Variants in AAMDC observed in about 807,000 individuals in gnomAD.
AAMDC encodes the protein mth938 domain-containing protein.
In AAMDC, 16 loss-of-function variants were observed where a neutral mutation model predicts 15.5. The observed-to-expected ratio is 1.03, with a 90% CI of 0.70 to 1.57. AAMDC has a LOEUF of 1.57. Ranked by LOEUF, AAMDC falls within the 40% of genes most tolerant of loss-of-function variation. The probability of loss-of-function intolerance (pLI) is 0.00; values close to 1 mark genes in which losing one functional copy is unlikely to be tolerated. For missense variants in AAMDC, 141 were observed against 144.9 expected, an observed-to-expected ratio of 0.97 and a Z score of 0.14; for synonymous variants, 51 against 51.6, an observed-to-expected ratio of 0.99 and a Z score of 0.05.
At chr11:77,866,214 T>C (rs1951101685) in intron 2 of AAMDC, among the ~76,000 whole-genome samples, 1 of 152,192 alleles carries the variant, frequency 6.6e-6, no homozygotes, top group African/African-American at 2.4e-5. Flanking sequence ...TGCCATCTTG[T>C]TGTTTAGCTG....
At chr11:77,897,674 T>A (rs1272588048) in intron 5 of AAMDC, among the ~76,000 whole-genome samples, 2 of 151,076 alleles carry the variant, frequency 1.3e-5, no homozygotes, top group Non-Finnish European at 2.9e-5. Context: ...CTAATTTTTT[T>A]TTTTTTATTT....
intron 5 of AAMDC, among the ~76,000 whole-genome samples, chr11:77,888,569 G>C (rs952646508): frequency 6.6e-6 from 1 of 152,116 alleles, no homozygotes; most frequent in Admixed American, 6.6e-5. Context: ...CCAAAATTGA[G>C]AAATGGGATC....
At chr11:77,896,854 C>T (rs1952546711) in intron 5 of AAMDC, among the ~76,000 whole-genome samples, 2 of 148,984 alleles carry the variant, frequency 1.3e-5, no homozygotes, top group African/African-American at 4.9e-5. Context: ...CTTCAAACTC[C>T]CACCGAAGAT....
In AAMDC at chr11:77,883,409, T is replaced by A. The variant is rs192437652; in HGVS notation, c.328+6360T>A. ...GTTGGCAAATGAAAAAAAATATTTT[T>A]AAAAATCCTCACAACTAATTTGTAG... On this transcript the variant is annotated intron_variant, in intron 5 of 5. Coordinates refer to the AAMDC transcript ENST00000304716. Among the ~76,000 whole-genome samples the A allele has an allele frequency of 1.6e-3, 246 of 152,316 alleles. 2 individuals carry two copies. Among genetic ancestry groups the A allele is most frequent in the African/African-American group, 5.7e-3 (235 of 41,570 alleles).
chr11:77,900,912 G>T, downstream of AAMDC: 1 of 413,426 alleles, frequency 2.4e-6, no homozygotes, highest in Non-Finnish European at 4.3e-6. Context: ...TGAGGTAGAT[G>T]CTGTCTTCAT....
At chr11:77,861,662 A>G (rs146072380) in intron 2 of AAMDC, among the ~76,000 whole-genome samples, 85 of 152,298 alleles carry the variant, frequency 5.6e-4, no homozygotes, top group African/African-American at 2.0e-3. Flanking sequence ...TATGTGGACA[A>G]TCTTTTTTAA....
At chr11:77,837,169 T>A (rs1949719239) in intron 1 of AAMDC, among the ~76,000 whole-genome samples, 1 of 152,172 alleles carries the variant, frequency 6.6e-6, no homozygotes, top group Non-Finnish European at 1.5e-5. Context: ...GTAGTCTCGC[T>A]CTGTCACCCA....
downstream of AAMDC, chr11:77,872,486 G>A: frequency 3.1e-6 from 2 of 652,748 alleles, no homozygotes; most frequent in Non-Finnish European, 4.7e-6. Flanking sequence ...CCTTGAGGGT[G>A]CTAAAAGAAA....
At chr11:77,849,489 G>T (rs1392695572) in intron 2 of AAMDC, among the ~76,000 whole-genome samples, 1 of 152,164 alleles carries the variant, frequency 6.6e-6, no homozygotes, top group Non-Finnish European at 1.5e-5. Flanking sequence ...CTCTCAAAGT[G>T]CTGGGATTAT....
intron 1 of AAMDC, among the ~76,000 whole-genome samples, chr11:77,841,717 T>C (rs1949940709): frequency 6.6e-6 from 1 of 152,192 alleles, no homozygotes. Flanking sequence ...TTGGGATATG[T>C]AGAGAGCTTA....
Position 77,872,234 on chromosome 11 carries a change from G to C in AAMDC, c.288G>C (p.Gln96His). The change falls in exon 4 of 4, where the codon CAG (glutamine) becomes CAC (histidine). Residue 96 changes from glutamine to histidine, a missense_variant. Coordinates refer to ENST00000393427, the MANE Select transcript of AAMDC (RefSeq NM_024684.4). ...KKHGIDVRVL[Q>H]TEQAVKEYNA... Reference sequence around the variant, plus strand: ...ATGGCATTGATGTGCGGGTCCTCCAGACAGAGCAGGCAGTGAAGGAGTATA... The same window carrying C: ...ATGGCATTGATGTGCGGGTCCTCCACACAGAGCAGGCAGTGAAGGAGTATA... 1.2e-6 allele frequency: 2 copies of C among 1,613,940 alleles called. No individual in the cohort carries two copies. The highest frequency in any genetic ancestry group is 1.7e-6 in the Non-Finnish European group (2 of 1,179,936).
intron 5 of AAMDC, among the ~76,000 whole-genome samples, chr11:77,892,511 C>G (rs1437444806): frequency 6.6e-6 from 1 of 152,216 alleles, no homozygotes. Flanking sequence ...TGTGCAAAAA[C>G]AGACTCTCTA....
intron 5 of AAMDC, among the ~76,000 whole-genome samples, chr11:77,878,378 T>A (rs1049632080): frequency 5.3e-5 from 8 of 151,048 alleles, no homozygotes; most frequent in Non-Finnish European, 7.4e-5. Flanking sequence ...AAAAAAAAAA[T>A]TTCCTCAAAG....
intron 5 of AAMDC, among the ~76,000 whole-genome samples, chr11:77,883,659 AAT>A (rs1033226854): frequency 6.6e-6 from 1 of 152,158 alleles, no homozygotes; most frequent in African/African-American, 2.4e-5. Flanking sequence ...AATTAGCCCA[AAT>A]ATACCCAGTT....
intron 5 of AAMDC, among the ~76,000 whole-genome samples, chr11:77,889,075 G>A (rs1367506156): frequency 2.6e-5 from 4 of 152,136 alleles, no homozygotes; most frequent in African/African-American, 9.7e-5. Flanking sequence ...GCATTACTGG[G>A]TATATACCCA....
chr11:77,829,121 A>G (rs1949306069), intron 1 of AAMDC, among the ~76,000 whole-genome samples: 1 of 152,218 alleles, frequency 6.6e-6, no homozygotes, highest in Admixed American at 6.5e-5. Context: ...CTAAAGTTAA[A>G]CAATGTCATG....
chr11:77,897,696 G>A (rs1394834446), intron 5 of AAMDC, among the ~76,000 whole-genome samples: 5 of 151,128 alleles, frequency 3.3e-5, no homozygotes, highest in Admixed American at 1.3e-4. Flanking sequence ...TAGTAGAGAC[G>A]GGGTTTCACC....
At chr11:77,863,691 T>C (rs1260089111) in intron 2 of AAMDC, among the ~76,000 whole-genome samples, 1 of 151,922 alleles carries the variant, frequency 6.6e-6, no homozygotes, top group Non-Finnish European at 1.5e-5. Flanking sequence ...ACCTGGCTGA[T>C]TTTTTATGAG....
intron 5 of AAMDC, among the ~76,000 whole-genome samples, chr11:77,881,137 C>T (rs1221692546): frequency 1.3e-5 from 2 of 152,160 alleles, no homozygotes; most frequent in East Asian, 3.8e-4. Context: ...ACAAGATCAT[C>T]TAGGATAACT....
Sources: gnomAD v4.1 joint callset for allele counts (sites outside exome capture counted in the v4.1 genomes callset) on GRCh38, gnomAD v4.1.1 for gene constraint, MANE v1.5 for transcripts, NCBI Gene and HGNC (gene_info 2026-07-23, HGNC 2026-07-21) for gene names.